The following PCDHGA4 variants were observed in gnomAD, a reference collection of about 807,000 sequenced individuals.
The protein encoded by PCDHGA4 is protocadherin gamma subfamily A, 4.
In PCDHGA4, 38 loss-of-function variants were observed where a neutral mutation model predicts 54.6. The observed-to-expected ratio is 0.70, with a 90% CI of 0.54 to 0.91. The LOEUF is 0.91. Ranked by LOEUF, PCDHGA4 falls within the 40% of genes least tolerant of loss-of-function variation. The pLI is 0.00. For missense variants in PCDHGA4, 1,298 were observed against 1,220.9 expected, an observed-to-expected ratio of 1.06 and a Z score of -0.94; for synonymous variants, 511 against 512.9, an observed-to-expected ratio of 1.00 and a Z score of 0.05.
In PCDHGA4 at chr5:141,490,084, G is replaced by A. The variant is rs772917260; in HGVS notation, c.2515-4723G>A. The A allele has an allele frequency of 4.3e-6, 7 of 1,614,104 alleles. No individual in the cohort carries two copies. ...CAACGGCCAACTAGACTATTCTTTT[G>A]GAGACCACACATCTGAGGCAGTGCG... On this transcript the variant is annotated intron_variant, in intron 1 of 3. Transcript: ENST00000571252. The surrounding 1 kb of genome is among the most constrained non-coding windows in gnomAD (Gnocchi z 5.4).
chr5:141,393,874 G>C, intron 1 of PCDHGA4: 1 of 1,613,944 alleles, frequency 6.2e-7, no homozygotes. Context: ...TCTTTGTTTA[G>C]CCCAGTGTTA....
In PCDHGA4 at chr5:141,419,475, C is replaced by T. The variant is rs775720158; in HGVS notation, c.2514+61854C>T. On this transcript the variant is annotated intron_variant, in intron 1 of 3. Coordinates refer to ENST00000571252, the MANE Select transcript of PCDHGA4 (RefSeq NM_018917.4). Reference sequence around the variant, plus strand: ...ACGCTGCAGGCCCGCGACCAGGGCTCGCCCGCGCTCAGCGCCAATGTGAGC... The same window carrying T: ...ACGCTGCAGGCCCGCGACCAGGGCTTGCCCGCGCTCAGCGCCAATGTGAGC... The T allele has an allele frequency of 4.6e-5, 74 of 1,612,266 alleles. No homozygotes were observed. The highest frequency in any genetic ancestry group is 5.9e-5 in the Non-Finnish European group (70 of 1,179,514).
intron 1 of PCDHGA4, chr5:141,385,017 C>T: frequency 6.2e-7 from 1 of 1,614,188 alleles, no homozygotes; most frequent in Non-Finnish European, 8.5e-7. Context: ...TCTTCCTAGC[C>T]TTCGTCCTCG....
chr5:141,383,634 T>C, intron 1 of PCDHGA4: 1 of 1,613,914 alleles, frequency 6.2e-7, no homozygotes, highest in Non-Finnish European at 8.5e-7. Flanking sequence ...TCTCTCTGCC[T>C]CAGTACCAAG....
chr5:141,459,289 A>G (rs2098965378), intron 1 of PCDHGA4, among the ~76,000 whole-genome samples: 1 of 152,216 alleles, frequency 6.6e-6, no homozygotes, highest in Non-Finnish European at 1.5e-5. Flanking sequence ...ATCTAAATGG[A>G]ATCCTATAAC....
rs1000935525 is a variant in PCDHGA4 at position 141,512,962 on chromosome 5, G to A, written c.*1789G>A. The A allele has an allele frequency of 1.3e-5, 2 of 152,030 alleles. No individual in the cohort carries two copies. The highest frequency in any genetic ancestry group is 4.8e-5 in the African/African-American group (2 of 41,366). The allele number at this position is 152,030 out of a possible 1,614,324, so 9.4% of individuals were successfully genotyped here. ...TTCTTCGACAAAAAAATAATAAAACGTTTCTTCTGAAAAGCTGAACGTTTC... is the reference window on the plus strand; with the variant it reads ...TTCTTCGACAAAAAAATAATAAAACATTTCTTCTGAAAAGCTGAACGTTTC... On this transcript the variant is annotated 3_prime_UTR_variant, in exon 4 of 4. Transcript: ENST00000571252.
At chr5:141,418,409 G>T in intron 1 of PCDHGA4, 1 of 1,613,910 alleles carries the variant, frequency 6.2e-7, no homozygotes, top group Non-Finnish European at 8.5e-7. Flanking sequence ...GGTGGAGAAA[G>T]ACAATCCTGA....
chr5:141,409,566 C>G (rs750850161), intron 1 of PCDHGA4: 1 of 1,613,978 alleles, frequency 6.2e-7, no homozygotes, highest in South Asian at 1.1e-5. Flanking sequence ...TTCGACCAGA[C>G]GTCCTACGTG....
chr5:141,376,576 T>G, intron 1 of PCDHGA4: 1 of 1,596,960 alleles, frequency 6.3e-7, no homozygotes, highest in Non-Finnish European at 8.5e-7. Context: ...TCAGACAGGC[T>G]CATCAGCTAG....
rs752155536 is a variant in PCDHGA4, at chr5:141,477,181, C to T, written c.2515-17626C>T. The T allele has an allele frequency of 2.5e-6, 4 of 1,614,182 alleles. No individual in the cohort carries two copies. In the Admixed American group the frequency reaches 6.7e-5, roughly 27 times the overall value. ...ACAACGCCCCGGAGATCACAGTCACCTCCGTGTACAGCCCAGTACCCGAGG... is the reference window on the plus strand; with the variant it reads ...ACAACGCCCCGGAGATCACAGTCACTTCCGTGTACAGCCCAGTACCCGAGG... On this transcript the variant is annotated intron_variant, in intron 1 of 3. Transcript: ENST00000571252. This position sits in a 1 kb window ranked among gnomAD's most constrained non-coding sequence, Gnocchi z 4.9.
intron 1 of PCDHGA4, among the ~76,000 whole-genome samples, chr5:141,494,218 T>C (rs1224329242): frequency 1.3e-5 from 2 of 152,222 alleles, no homozygotes; most frequent in South Asian, 2.1e-4. Context: ...CAATCTGGCA[T>C]GACTCCTAAA....
Position 141,431,711 on chromosome 5 carries a change from G to T in PCDHGA4, c.2515-63096G>T. On this transcript the variant is annotated intron_variant, in intron 1 of 3. Coordinates refer to ENST00000571252, the MANE Select transcript of PCDHGA4 (RefSeq NM_018917.4). This position sits in a 1 kb window ranked among gnomAD's most constrained non-coding sequence, Gnocchi z 4.8. ...CGAGGAGTCAGGATTCTACCAGATG[G>T]AAGTGCAAGCAATGGATAATGCAGG... 1 of 1,614,230 alleles carries T rather than the reference G, an allele frequency of 6.2e-7. No homozygotes were observed. The highest frequency in any genetic ancestry group is 1.1e-5 in the South Asian group (1 of 91,092).
chr5:141,418,064 A>T, intron 1 of PCDHGA4: 1 of 1,614,006 alleles, frequency 6.2e-7, no homozygotes, highest in Non-Finnish European at 8.5e-7. Flanking sequence ...GCTGCGAGTG[A>T]GCGCGGAGAA....
At chr5:141,475,871 A>G (rs568810142) in intron 1 of PCDHGA4, 17 of 513,152 alleles carry the variant, frequency 3.3e-5, no homozygotes, top group Middle Eastern at 5.1e-4. Context: ...TTCTTCGTGC[A>G]GTTATTGGCT....
chr5:141,361,583 C>G (rs1762083225), intron 1 of PCDHGA4: 1 of 1,613,914 alleles, frequency 6.2e-7, no homozygotes, highest in Admixed American at 1.7e-5. Flanking sequence ...GACTTGGGCC[C>G]CAGTGGCCAA....
At chr5:141,507,797 C>A (rs933921827) in intron 3 of PCDHGA4, among the ~76,000 whole-genome samples, 1 of 152,240 alleles carries the variant, frequency 6.6e-6, no homozygotes, top group Admixed American at 6.5e-5. Context: ...TCTAAGCCTG[C>A]GCCCTGGGGA....
At chr5:141,439,412 T>G (rs2098111019) in intron 1 of PCDHGA4, among the ~76,000 whole-genome samples, 1 of 152,194 alleles carries the variant, frequency 6.6e-6, no homozygotes, top group Admixed American at 6.5e-5. Flanking sequence ...CTAACATCAC[T>G]GAGGTTATAA....
Position 141,489,322 on chromosome 5 carries a change from T to C in PCDHGA4, c.2515-5485T>C. The C allele has an allele frequency of 6.2e-7, 1 of 1,601,052 alleles. No individual in the cohort carries two copies. Among genetic ancestry groups the C allele is most frequent in the Non-Finnish European group, 8.5e-7 (1 of 1,172,658 alleles). ...GTCCTTGTGCTGCTGGGGCTGGGTGTCTGGGCAGCTTCGTTACTCAGTGGT... is the reference window on the plus strand; with the variant it reads ...GTCCTTGTGCTGCTGGGGCTGGGTGCCTGGGCAGCTTCGTTACTCAGTGGT... On this transcript the variant is annotated intron_variant, in intron 1 of 3. Coordinates refer to ENST00000571252, the MANE Select transcript of PCDHGA4 (RefSeq NM_018917.4). The surrounding 1 kb of genome is among the most constrained non-coding windows in gnomAD (Gnocchi z 4.5).
At chr5:141,426,955 C>T (rs1380917458) in intron 1 of PCDHGA4, 3 of 456,658 alleles carry the variant, frequency 6.6e-6, no homozygotes, top group South Asian at 1.5e-5. Flanking sequence ...ACTGGCACTG[C>T]TGCAATTCAA....
Sources: allele counts gnomAD v4.1 joint callset (sites outside exome capture counted in the v4.1 genomes callset), GRCh38; gene constraint gnomAD v4.1.1; non-coding constraint Gnocchi (gnomAD v3.1); transcripts MANE v1.5; gene names NCBI Gene and HGNC (gene_info 2026-07-23, HGNC 2026-07-21).